ZFR: variants seen among roughly 807,000 people sequenced by gnomAD.
The protein encoded by ZFR is zinc finger RNA binding protein.
ZFR carries 19 observed loss-of-function variants against 130.7 expected under a neutral mutation model. The observed-to-expected ratio is 0.15, with a 90% confidence interval of 0.10 to 0.21. ZFR has a LOEUF of 0.21. Ranked by LOEUF, ZFR falls within the 10% of genes least tolerant of loss-of-function variation. The pLI, the probability that ZFR is intolerant of heterozygous loss-of-function variation, is 1.00. For synonymous variants in ZFR, 466 were observed against 456.9 expected, an observed-to-expected ratio of 1.02 and a Z score of -0.25; for missense variants, 872 against 1,321.5, an observed-to-expected ratio of 0.66 and a Z score of 5.27.
chr5:32,408,311 A>AT (rs1379858495), intron 5 of ZFR, among the ~76,000 whole-genome samples: 1 of 91,462 alleles, frequency 1.1e-5, no homozygotes, highest in East Asian at 3.6e-4. Flanking sequence ...TGAACGTTTG[A>AT]TTAAAAAAAA....
At chr5:32,363,631 A>C (rs1752479792) in intron 19 of ZFR, among the ~76,000 whole-genome samples, 1 of 152,212 alleles carries the variant, frequency 6.6e-6, no homozygotes, top group Non-Finnish European at 1.5e-5. Flanking sequence ...ACCAGAGGAC[A>C]TAAGAATTTC....
chr5:32,387,521 T>C, intron 14 of ZFR, 28 bp downstream of exon 14: 2 of 1,606,442 alleles, frequency 1.2e-6, no homozygotes, highest in Non-Finnish European at 1.7e-6. Context: ...AGACAAGGGG[T>C]AAAAATGAAC....
At chr5:32,383,406 A>T (rs1318541481) in intron 15 of ZFR, among the ~76,000 whole-genome samples, 2 of 152,234 alleles carry the variant, frequency 1.3e-5, no homozygotes, top group South Asian at 4.1e-4. Context: ...TGCTGCAGAA[A>T]AGATTCTGTA....
Position 32,385,653 on chromosome 5 carries a change from T to C in ZFR, c.2500-4A>G, listed in dbSNP as rs1399075750. On this transcript the variant is annotated splice_polypyrimidine_tract_variant and splice_region_variant and intron_variant, in intron 14 of 19. Transcript: ENST00000265069. ...CATACTTCTCAGGGCTTATAACCTGTGTAATGAAGATGATAAGAAACAAAT... is the reference window on the plus strand; with the variant it reads ...CATACTTCTCAGGGCTTATAACCTGCGTAATGAAGATGATAAGAAACAAAT... 1.2e-6 allele frequency: 2 copies of C among 1,610,766 alleles called. No individual in the cohort carries two copies. The highest frequency in any genetic ancestry group is 1.3e-5 in the African/African-American group (1 of 74,780).
chr5:32,435,374 G>A (rs1045489888), intron 2 of ZFR, among the ~76,000 whole-genome samples: 1 of 152,320 alleles, frequency 6.6e-6, no homozygotes. Flanking sequence ...AGCTTACTAC[G>A]AATATTTTCG....
intron 17 of ZFR, among the ~76,000 whole-genome samples, chr5:32,370,337 GAGAGAGAGAGAGAGAGACAGAC>G (rs1402100662): frequency 0.018 from 50 of 2,766 alleles, no homozygotes; most frequent in African/African-American, 0.09. Flanking sequence ...GAGAGAGAGA[GAGAGAGAGAGAGAGAGACAGAC>G]AGACAGACAG....
At position 32,385,519 on chromosome 5, in the gene ZFR, A is replaced by T; in HGVS notation, c.2630T>A (p.Met877Lys). 1 of 1,613,136 alleles carries T rather than the reference A, an allele frequency of 6.2e-7. No homozygotes were observed. The highest frequency in any genetic ancestry group is 8.5e-7 in the Non-Finnish European group (1 of 1,179,326). The change falls in exon 15 of 20, where the codon ATG becomes AAG. Residue 877 changes from methionine to lysine, a missense_variant. Physicochemically the swap from Met to Lys is moderately conservative, Grantham distance 95. This residue lies in a region of ZFR where 158 missense variants were observed against 264.0 expected (regional missense o/e 0.60). Coordinates refer to ENST00000265069, the MANE Select transcript of ZFR (RefSeq NM_016107.5). ...AATGGCTTTCCAACCTCCTTCCCTC[A>T]TGTTCTCTTCTCGAATAATTGGAGA... ...LTSPIIREEN[M>K]REGDVTSGMV...
In ZFR at chr5:32,415,126, T is replaced by C. The variant is rs779953429; in HGVS notation, c.627A>G (p.Gln209=). 6.2e-6 allele frequency: 10 copies of C among 1,614,120 alleles called. No homozygotes were observed. In the South Asian group the frequency reaches 8.8e-5, roughly 14 times the overall value. ...GTGTGGCTGGTTTTATGGCTGTCACTTGTCGAGTTTGCTGGGCTTGAGTAT... is the reference window on the plus strand; with the variant it reads ...GTGTGGCTGGTTTTATGGCTGTCACCTGTCGAGTTTGCTGGGCTTGAGTAT... The part of the protein sequence containing the change: ...TQYTQAQQTR[Q]VTAIKPATPS... Residue 209 remains glutamine, a synonymous_variant, in exon 5 of 20, where the codon CAA becomes CAG. Transcript: ENST00000265069.
At position 32,419,857 on chromosome 5, in the gene ZFR, T is replaced by C. The variant is rs1049538469; in HGVS notation, c.384A>G (p.Pro128=). The C allele has an allele frequency of 4.4e-6, 7 of 1,607,614 alleles. No individual in the cohort carries two copies. The highest frequency in any genetic ancestry group is 2.7e-5 in the African/African-American group (2 of 74,890). The stretch of plus-strand genomic sequence containing the variant: ...GTGTAGTAGCTGGGGGTGGTGGTGG[T>C]GGTGCTTCTTGTTGCCTCTGAGTAT... ...YGYTQRQQEA[P]PPPPPATTQN... is the part of the protein sequence containing the mutation. The change falls in exon 3 of 20, where the codon CCA becomes CCG. Residue 128 remains proline, a synonymous_variant. Coordinates refer to ENST00000265069, the MANE Select transcript of ZFR (RefSeq NM_016107.5).
At chr5:32,380,711 C>T (rs934396268) in intron 15 of ZFR, among the ~76,000 whole-genome samples, 3 of 140,852 alleles carry the variant, frequency 2.1e-5, no homozygotes, top group South Asian at 2.2e-4. Context: ...CTGGAGTGCA[C>T]GATCTCAGAT....
intron 3 of ZFR, 77 bp from the exon 4 acceptor site, chr5:32,417,869 A>G: frequency 7.1e-7 from 1 of 1,413,008 alleles, no homozygotes; most frequent in Non-Finnish European, 9.7e-7. Context: ...TAGAAGTGCA[A>G]TAAAGGAAAA....
chr5:32,403,079 G>A lies in ZFR; in HGVS notation c.1516+27C>T, dbSNP rs750455366. 1.9e-6 allele frequency: 3 copies of A among 1,601,268 alleles called. No individual in the cohort carries two copies. The Admixed American group carries it at 5.0e-5, about 27-fold the overall frequency. On this transcript the variant is annotated intron_variant, in intron 8 of 19. Transcript: ENST00000265069. Reference sequence around the variant, plus strand: ...AAGAAACAACACTTTGACAGAGTCAGCAGGGACAGAGAATATCAGTACTTG... The same window carrying A: ...AAGAAACAACACTTTGACAGAGTCAACAGGGACAGAGAATATCAGTACTTG...
chr5:32,399,052 G>A (rs1753382660), intron 9 of ZFR, among the ~76,000 whole-genome samples: 1 of 152,056 alleles, frequency 6.6e-6, no homozygotes, highest in African/African-American at 2.4e-5. Flanking sequence ...GAGGCAGGCA[G>A]ATCATGAGGT....
chr5:32,367,814 A>T (rs1581679553), intron 17 of ZFR, among the ~76,000 whole-genome samples: 1 of 152,222 alleles, frequency 6.6e-6, no homozygotes, highest in Non-Finnish European at 1.5e-5. Flanking sequence ...ACTCTTAGTA[A>T]GTGGCAGGCA....
intron 8 of ZFR, among the ~76,000 whole-genome samples, chr5:32,402,565 G>A (rs937174409): frequency 6.6e-6 from 1 of 150,558 alleles, no homozygotes; most frequent in Non-Finnish European, 1.5e-5. Context: ...AGGAGAATTC[G>A]AGATCAGTCT....
Position 32,356,132 on chromosome 5 carries a change from C to A in ZFR, c.3046-193G>T, listed in dbSNP as rs371733423. ...ATTTCCTAGCTTTTCTGTGTGCATG[C>A]CATTTTGTTATCTTAAACATTAAGT... On this transcript the variant is annotated intron_variant, in intron 19 of 19. Coordinates refer to ENST00000265069, the MANE Select transcript of ZFR (RefSeq NM_016107.5). Among the ~76,000 whole-genome samples the A allele has an allele frequency of 9.2e-5, 14 of 152,104 alleles. No individual in the cohort carries two copies. The East Asian group carries it at 1.2e-3, about 13-fold the overall frequency.
At chr5:32,415,519 C>T (rs62361572) in intron 4 of ZFR, among the ~76,000 whole-genome samples, 39,514 of 82,794 alleles carry the variant, frequency 0.48, 6,057 homozygotes, top group Middle Eastern at 0.57. Flanking sequence ...TGTGTGTGCG[C>T]GCGCGCGCGC....
chr5:32,374,756 T>C (rs1178925086), intron 17 of ZFR, among the ~76,000 whole-genome samples: 1 of 152,028 alleles, frequency 6.6e-6, no homozygotes, highest in African/African-American at 2.4e-5. Context: ...ATAACTCTAT[T>C]GAATGGGTTG....
At chr5:32,372,182 A>G (rs568090649) in intron 17 of ZFR, among the ~76,000 whole-genome samples, 2 of 152,340 alleles carry the variant, frequency 1.3e-5, no homozygotes, top group African/African-American at 2.4e-5. Context: ...TCCTCCAATC[A>G]TATCTCACAG....
Sources: allele counts gnomAD v4.1 joint callset (sites outside exome capture counted in the v4.1 genomes callset), GRCh38; gene constraint gnomAD v4.1.1; regional missense constraint gnomAD v4.1.1; transcripts MANE v1.5; gene names NCBI Gene and HGNC (gene_info 2026-07-23, HGNC 2026-07-21).